ASIC2: variants seen among roughly 807,000 people sequenced by gnomAD.
ASIC2 encodes acid sensing ion channel subunit 2.
A neutral mutation model predicts 57.3 loss-of-function variants in ASIC2; 25 were observed. That is an observed-to-expected ratio of 0.44 (90% CI 0.32 to 0.61). The LOEUF (loss-of-function observed/expected upper bound fraction) is 0.61, where lower values mean the gene tolerates loss of function less well. ASIC2 is among the 20% of genes least tolerant of loss of function. The pLI is 0.06. For missense variants in ASIC2, 641 were observed against 738.1 expected, an observed-to-expected ratio of 0.87 and a Z score of 1.52; for synonymous variants, 319 against 307.5, an observed-to-expected ratio of 1.04 and a Z score of -0.39.
chr17:33,852,684 C>T (rs565600237), intron 1 of ASIC2, among the ~76,000 whole-genome samples: 31 of 152,244 alleles, frequency 2.0e-4, no homozygotes, highest in African/African-American at 7.5e-4. Flanking sequence ...CTACACCTTG[C>T]TACCTCTTGA....
rs80198949 is a variant in ASIC2 at position 33,758,871 on chromosome 17, C to T, written c.555+397107G>A. ...TAAATTCCTTTTCTTTATAAATTAC[C>T]CAGTTTCAAGTATTCTGTTATCAGC... is the stretch of plus-strand genomic sequence containing the variant. On this transcript the variant is annotated intron_variant, in intron 1 of 9. Coordinates refer to the ASIC2 transcript ENST00000359872. Among the ~76,000 whole-genome samples, 1,203 of 151,110 alleles carry T rather than the reference C, an allele frequency of 8.0e-3. 24 individuals carry two copies. Among genetic ancestry groups the T allele is most frequent in the East Asian group, 0.04 (208 of 5,142 alleles).
chr17:33,434,501 T>C (rs962177137), intron 1 of ASIC2, among the ~76,000 whole-genome samples: 1 of 152,206 alleles, frequency 6.6e-6, no homozygotes, highest in Admixed American at 6.5e-5. Context: ...AATTAGGTTA[T>C]TACCAGACTT....
chr17:33,703,326 T>TC (rs1555553183), intron 1 of ASIC2, among the ~76,000 whole-genome samples: 22 of 148,998 alleles, frequency 1.5e-4, no homozygotes, highest in African/African-American at 3.5e-4. Flanking sequence ...TTTTTCTTTT[T>TC]TTTTTTGTTG....
chr17:33,892,901 G>T (rs879726460), intron 1 of ASIC2, among the ~76,000 whole-genome samples: 32 of 152,138 alleles, frequency 2.1e-4, no homozygotes, highest in Non-Finnish European at 8.8e-5. Flanking sequence ...GCTCCCGTTT[G>T]GGAGGAGGGA....
At chr17:34,098,676 C>T (rs1185413148) in intron 1 of ASIC2, among the ~76,000 whole-genome samples, 1 of 152,072 alleles carries the variant, frequency 6.6e-6, no homozygotes, top group African/African-American at 2.4e-5. Flanking sequence ...GGAGGCTTTC[C>T]GTAACTGTGT....
In ASIC2 at chr17:33,712,205, G is replaced by T. The variant is rs150541187; in HGVS notation, c.555+443773C>A. ...CCAGGGATGACTGCCTACAGTCTCAGTTTGGAGCAGCTGCCTTCTGTGCAG... is the reference window on the plus strand; with the variant it reads ...CCAGGGATGACTGCCTACAGTCTCATTTTGGAGCAGCTGCCTTCTGTGCAG... On this transcript the variant is annotated intron_variant, in intron 1 of 9. Coordinates refer to the ASIC2 transcript ENST00000359872. 7.2e-5 allele frequency among the ~76,000 whole-genome samples: 11 copies of T among 152,272 alleles called. No individual in the cohort carries two copies. The East Asian group carries it at 2.1e-3, about 29-fold the overall frequency.
chr17:33,624,933 C>G (rs968654461), intron 1 of ASIC2, among the ~76,000 whole-genome samples: 1 of 152,192 alleles, frequency 6.6e-6, no homozygotes, highest in African/African-American at 2.4e-5. Context: ...AACTAAATAC[C>G]TATCTTCAAA....
At chr17:33,384,605 T>C (rs987528468) in intron 1 of ASIC2, among the ~76,000 whole-genome samples, 3 of 152,154 alleles carry the variant, frequency 2.0e-5, no homozygotes, top group African/African-American at 7.2e-5. Context: ...AATGGAAAAG[T>C]GGGTATTATT....
intron 1 of ASIC2, among the ~76,000 whole-genome samples, chr17:33,431,587 A>G (rs1227785551): frequency 2.0e-5 from 3 of 152,182 alleles, no homozygotes; most frequent in Non-Finnish European, 4.4e-5. Context: ...CCTGGGTGAC[A>G]GAGTCATATA....
intron 1 of ASIC2, among the ~76,000 whole-genome samples, chr17:33,535,556 G>A (rs934315317): frequency 2.6e-5 from 4 of 152,098 alleles, no homozygotes; most frequent in South Asian, 2.1e-4. Flanking sequence ...GATTACAGGC[G>A]TGAGCCACTG....
At chr17:33,092,210 C>T (rs1483592668) in intron 2 of ASIC2, among the ~76,000 whole-genome samples, 2 of 152,222 alleles carry the variant, frequency 1.3e-5, no homozygotes, top group Admixed American at 1.3e-4. Context: ...TTCCCCAAAG[C>T]CCTACTTGTA....
intron 1 of ASIC2, among the ~76,000 whole-genome samples, chr17:33,867,218 T>C (rs1185590937): frequency 1.3e-5 from 2 of 152,120 alleles, no homozygotes; most frequent in Non-Finnish European, 1.5e-5. Context: ...ATCTGCTATA[T>C]CTAAAAAATA....
intron 1 of ASIC2, among the ~76,000 whole-genome samples, chr17:33,849,401 T>C (rs1913702977): frequency 6.6e-6 from 1 of 152,106 alleles, no homozygotes; most frequent in African/African-American, 2.4e-5. Context: ...ATGTTGCAAC[T>C]GTGGAGACTG....
intron 1 of ASIC2, among the ~76,000 whole-genome samples, chr17:33,871,853 T>A (rs1332812575): frequency 1.3e-5 from 2 of 151,182 alleles, no homozygotes; most frequent in African/African-American, 4.9e-5. Context: ...GCAAAGGGGG[T>A]AATTAGTCTG....
At position 33,883,274 on chromosome 17, in the gene ASIC2, T is replaced by G. The variant is rs111263453; in HGVS notation, c.555+272704A>C. Among the ~76,000 whole-genome samples, 1,302 of 152,242 alleles carry G rather than the reference T, an allele frequency of 8.6e-3. 18 individuals are homozygous for G. Among genetic ancestry groups the G allele is most frequent in the African/African-American group, 0.028 (1,162 of 41,538 alleles). The stretch of plus-strand genomic sequence containing the variant: ...ATATTAATAAAAAAAGTCTGATGAA[T>G]GAATGAATGAATGAATACAAAACAG... On this transcript the variant is annotated intron_variant, in intron 1 of 9. Coordinates refer to the ASIC2 transcript ENST00000359872.
intron 1 of ASIC2, among the ~76,000 whole-genome samples, chr17:33,998,301 TTTTA>T (rs1347673726): frequency 1.3e-5 from 2 of 152,132 alleles, no homozygotes; most frequent in African/African-American, 2.4e-5. Context: ...GGTTTGCCAA[TTTTA>T]TTTATCTTTT....
chr17:33,197,977 G>A (rs1327206615), intron 1 of ASIC2, among the ~76,000 whole-genome samples: 1 of 152,196 alleles, frequency 6.6e-6, no homozygotes, highest in Non-Finnish European at 1.5e-5. Context: ...AGATGTTAGT[G>A]GGGAACCTGG....
intron 7 of ASIC2, among the ~76,000 whole-genome samples, chr17:33,019,620 C>G (rs1304310888): frequency 6.6e-6 from 1 of 151,964 alleles, no homozygotes. Flanking sequence ...CTGATGGGAC[C>G]TGATGGCTGA....
At chr17:33,246,318 C>T (rs1049861104) in intron 1 of ASIC2, among the ~76,000 whole-genome samples, 1 of 152,162 alleles carries the variant, frequency 6.6e-6, no homozygotes, top group Admixed American at 6.5e-5. Flanking sequence ...GCAGAGAGGG[C>T]GCAGGCAGGG....
Sources: allele counts gnomAD v4.1 joint callset (sites outside exome capture counted in the v4.1 genomes callset), GRCh38; gene constraint gnomAD v4.1.1; transcripts MANE v1.5; gene names NCBI Gene and HGNC (gene_info 2026-07-23, HGNC 2026-07-21).